ADAMTS3: variants seen among roughly 807,000 people sequenced by gnomAD.
ADAMTS3 encodes ADAM metallopeptidase with thrombospondin type 1 motif 3.
A neutral mutation model predicts 129.0 loss-of-function variants in ADAMTS3; 73 were observed. The observed-to-expected ratio is 0.57, with a 90% CI of 0.47 to 0.69. The LOEUF (loss-of-function observed/expected upper bound fraction) is 0.69, where lower values mean the gene tolerates loss of function less well. Ranked by LOEUF, ADAMTS3 falls within the 30% of genes least tolerant of loss-of-function variation. The pLI is 0.00. For synonymous variants in ADAMTS3, 477 were observed against 510.8 expected (o/e 0.93, Z 0.89); for missense variants, 1,457 against 1,514.5 (o/e 0.96, Z 0.63).
At chr4:72,409,417 G>A (rs996425260) in intron 4 of ADAMTS3, among the ~76,000 whole-genome samples, 1 of 152,010 alleles carries the variant, frequency 6.6e-6, no homozygotes, top group Non-Finnish European at 1.5e-5. Context: ...TATGTTTACT[G>A]CCTTCAATTT....
chr4:72,454,487 G>A (rs1446614743), intron 3 of ADAMTS3, among the ~76,000 whole-genome samples: 6 of 151,676 alleles, frequency 4.0e-5, no homozygotes, highest in Non-Finnish European at 1.5e-5. Flanking sequence ...AGCCCGACAA[G>A]TTCAGTTTTC....
chr4:72,526,714 C>A lies in ADAMTS3; in HGVS notation c.504+21764G>T, dbSNP rs577826643. 4.4e-3 allele frequency among the ~76,000 whole-genome samples: 488 copies of A among 110,586 alleles called. 5 individuals are homozygous for A. Among genetic ancestry groups the A allele is most frequent in the African/African-American group, 0.016 (469 of 29,146 alleles). 72.5% of individuals were successfully genotyped at this position (110,586 alleles called of 152,430 possible). A position where few individuals can be genotyped will look rare whatever the true frequency, so the allele number is the denominator to read the frequency against. On this transcript the variant is annotated intron_variant, in intron 3 of 21. Transcript: ENST00000286657. ...TATACACTACACACATATATAGAGA[C>A]AGAAAAAATATATACATACATATAT...
chr4:72,423,156 T>A (rs1363581202), intron 3 of ADAMTS3, among the ~76,000 whole-genome samples: 1 of 152,160 alleles, frequency 6.6e-6, no homozygotes, highest in Non-Finnish European at 1.5e-5. Context: ...GGTAGCTTTT[T>A]TTGGTGCCTC....
At chr4:72,318,193 G>C (rs753754636) in intron 10 of ADAMTS3, among the ~76,000 whole-genome samples, 1 of 152,034 alleles carries the variant, frequency 6.6e-6, no homozygotes, top group Non-Finnish European at 1.5e-5. Flanking sequence ...ATAAATCTAA[G>C]GCTTAACAGT....
intron 21 of ADAMTS3, among the ~76,000 whole-genome samples, chr4:72,288,040 ATT>A (rs1387166282): frequency 6.6e-6 from 1 of 152,010 alleles, no homozygotes; most frequent in Non-Finnish European, 1.5e-5. Flanking sequence ...TAATTTTTGT[ATT>A]TTTAGTAGAG....
intron 3 of ADAMTS3, among the ~76,000 whole-genome samples, chr4:72,491,061 T>TTGG (rs1719729560): frequency 6.6e-6 from 1 of 151,896 alleles, no homozygotes; most frequent in Non-Finnish European, 1.5e-5. Context: ...TTCTAAGTAT[T>TTGG]TTATTCTTTT....
intron 3 of ADAMTS3, among the ~76,000 whole-genome samples, chr4:72,489,826 C>T (rs1041858936): frequency 6.6e-6 from 1 of 151,700 alleles, no homozygotes; most frequent in Non-Finnish European, 1.5e-5. Context: ...TTTCAGACAT[C>T]CACTGAGGGT....
intron 3 of ADAMTS3, among the ~76,000 whole-genome samples, chr4:72,486,333 CA>C (rs1719590877): frequency 2.6e-5 from 4 of 152,126 alleles, no homozygotes; most frequent in Admixed American, 2.6e-4. Context: ...GTACTGAGGC[CA>C]CCTTGGTTGA....
intron 5 of ADAMTS3, among the ~76,000 whole-genome samples, chr4:72,334,805 T>C (rs1416315712): frequency 6.6e-6 from 1 of 152,192 alleles, no homozygotes; most frequent in Non-Finnish European, 1.5e-5. Flanking sequence ...GCTTAACATA[T>C]ATGACAAATC....
At chr4:72,385,998 G>A (rs1721436590) in intron 4 of ADAMTS3, among the ~76,000 whole-genome samples, 1 of 151,390 alleles carries the variant, frequency 6.6e-6, no homozygotes, top group African/African-American at 2.4e-5. Flanking sequence ...TTTTTTTTAG[G>A]CGTGTTAAGA....
chr4:72,467,272 G>T (rs1288393022), intron 3 of ADAMTS3, among the ~76,000 whole-genome samples: 1 of 151,936 alleles, frequency 6.6e-6, no homozygotes. Context: ...TACTTAGGTA[G>T]CCCCAAAATC....
At chr4:72,365,738 G>C (rs532202211) in intron 4 of ADAMTS3, among the ~76,000 whole-genome samples, 1 of 152,188 alleles carries the variant, frequency 6.6e-6, no homozygotes, top group South Asian at 2.1e-4. Flanking sequence ...AAATAAACAC[G>C]TCAAGAACTG....
intron 3 of ADAMTS3, among the ~76,000 whole-genome samples, chr4:72,488,524 A>C (rs571863506): frequency 6.6e-6 from 1 of 152,016 alleles, no homozygotes; most frequent in Non-Finnish European, 1.5e-5. Context: ...CATCACTTCC[A>C]CCACTTCTAA....
intron 5 of ADAMTS3, among the ~76,000 whole-genome samples, chr4:72,325,311 C>A (rs1719671810): frequency 1.3e-5 from 2 of 151,490 alleles, no homozygotes; most frequent in African/African-American, 4.8e-5. Context: ...ATTCTCTTAT[C>A]TTATGCCACA....
intron 3 of ADAMTS3, among the ~76,000 whole-genome samples, chr4:72,529,993 AT>A (rs1384979375): frequency 5.1e-5 from 2 of 39,380 alleles, no homozygotes; most frequent in African/African-American, 2.3e-4. Context: ...AATATATTAT[AT>A]TTATATATAA....
At chr4:72,445,505 T>A (rs971772882) in intron 3 of ADAMTS3, among the ~76,000 whole-genome samples, 4 of 151,678 alleles carry the variant, frequency 2.6e-5, no homozygotes, top group African/African-American at 9.7e-5. Flanking sequence ...AACAGTTCTG[T>A]AAGAGTAAAA....
intron 3 of ADAMTS3, among the ~76,000 whole-genome samples, chr4:72,457,683 C>T (rs1403719199): frequency 1.3e-5 from 2 of 151,624 alleles, no homozygotes; most frequent in African/African-American, 4.8e-5. Context: ...AAAAATGAAA[C>T]AGCTAACCAG....
chr4:72,554,553 T>C (rs776194808), intron 2 of ADAMTS3, among the ~76,000 whole-genome samples: 1 of 152,052 alleles, frequency 6.6e-6, no homozygotes, highest in Non-Finnish European at 1.5e-5. Flanking sequence ...GCTATTTCTG[T>C]TCATGATGTG....
intron 3 of ADAMTS3, among the ~76,000 whole-genome samples, chr4:72,504,029 T>C (rs1205203665): frequency 2.6e-5 from 4 of 152,198 alleles, no homozygotes. Context: ...AGCAGATGGA[T>C]GGGTCTTGCT....
Sources: allele counts gnomAD v4.1 joint callset (sites outside exome capture counted in the v4.1 genomes callset), GRCh38; gene constraint gnomAD v4.1.1; transcripts MANE v1.5; gene names NCBI Gene and HGNC (gene_info 2026-07-23, HGNC 2026-07-21).